The following CCL26 variants were observed in gnomAD, a reference collection of about 807,000 sequenced individuals.
CCL26 encodes the protein C-C motif chemokine ligand 26.
Under a neutral mutation model 10.7 loss-of-function variants are expected in CCL26, and 10 were observed. The ratio of observed to expected loss-of-function variants is 0.93; its 90% CI spans 0.57 to 1.58. The LOEUF (loss-of-function observed/expected upper bound fraction) is 1.58. Ranked by LOEUF, CCL26 falls within the 40% of genes most tolerant of loss-of-function variation. CCL26 has a pLI of 0.00. For synonymous variants in CCL26, 43 were observed against 41.4 expected (o/e 1.04, Z -0.15); for missense variants, 116 against 111.0 (o/e 1.05, Z -0.20).
At chr7:75,772,330 AATACTC>A, upstream of CCL26, 1 of 623,402 alleles carries the variant, frequency 1.6e-6, no homozygotes, top group East Asian at 2.8e-5. Context: ...AAAGTAAACT[AATACTC>A]ATAGGAATGA....
chr7:75,789,296 T>A (rs966700046), intron 1 of CCL26, among the ~76,000 whole-genome samples: 1 of 151,802 alleles, frequency 6.6e-6, no homozygotes, highest in Non-Finnish European at 1.5e-5. Flanking sequence ...TAAAGAGGAA[T>A]GAAATGATAT....
intron 1 of CCL26, among the ~76,000 whole-genome samples, chr7:75,777,711 T>G (rs1419810225): frequency 4.3e-5 from 1 of 23,194 alleles, no homozygotes; most frequent in Non-Finnish European, 8.0e-5. Context: ...CAGAGTGAGA[T>G]CCTGTCTCAG....
intron 1 of CCL26, among the ~76,000 whole-genome samples, chr7:75,784,613 G>C (rs1803141052): frequency 6.6e-6 from 1 of 151,976 alleles, no homozygotes; most frequent in Non-Finnish European, 1.5e-5. Context: ...CCCCAACTCT[G>C]GTGCCAACTT....
rs1802778846 is a variant in CCL26, at chr7:75,769,634, C to T, written c.*59G>A. On this transcript the variant is annotated 3_prime_UTR_variant, in exon 3 of 3. Coordinates refer to ENST00000005180, the MANE Select transcript of CCL26 (RefSeq NM_001371938.1). ...TTCAGAAAAGATTCCGCAGGCTCCC[C>T]AGAGGGCTGCAGAGCCAAGAGCGGG... 11 of 1,145,844 alleles carry T rather than the reference C, an allele frequency of 9.6e-6. No individual in the cohort carries two copies. The highest frequency in any genetic ancestry group is 1.5e-5 in the Non-Finnish European group (11 of 756,110). The allele number at this position is 1,145,844 out of a possible 1,614,324, so 71.0% of individuals were successfully genotyped here.
intron 1 of CCL26, among the ~76,000 whole-genome samples, chr7:75,782,433 C>A (rs931014005): frequency 6.6e-6 from 1 of 152,080 alleles, no homozygotes; most frequent in African/African-American, 2.4e-5. Flanking sequence ...TGGCTGCTCA[C>A]CCACATTGCA....
chr7:75,772,329 T>A (rs1585009108), upstream of CCL26: 2 of 623,334 alleles, frequency 3.2e-6, no homozygotes, highest in East Asian at 5.5e-5. Context: ...AAAAGTAAAC[T>A]AATACTCATA....
chr7:75,790,219 C>CTTTTTT (rs1237814493), upstream of CCL26, among the ~76,000 whole-genome samples: 1 of 72,862 alleles, frequency 1.4e-5, no homozygotes, highest in African/African-American at 5.7e-5. Context: ...TTCTTTCTTT[C>CTTTTTT]TTCCTTCCTT....
intron 1 of CCL26, among the ~76,000 whole-genome samples, chr7:75,783,001 C>G (rs147430837): frequency 7.9e-5 from 12 of 152,278 alleles, no homozygotes; most frequent in Non-Finnish European, 1.8e-4. Flanking sequence ...TATCATCCTT[C>G]TATCACCTCC....
At chr7:75,790,218 TCTTCCTTC>T (rs1242802621), upstream of CCL26, among the ~76,000 whole-genome samples, 24 of 66,850 alleles carry the variant, frequency 3.6e-4, no homozygotes, top group South Asian at 4.2e-3. Context: ...TTTCTTTCTT[TCTTCCTTC>T]CTTCCTTCCT....
intron 1 of CCL26, among the ~76,000 whole-genome samples, chr7:75,778,161 C>T (rs1433524099): frequency 1.3e-5 from 2 of 152,172 alleles, no homozygotes; most frequent in African/African-American, 4.8e-5. Context: ...ACATTCCCAC[C>T]AACAGAGTCG....
At position 75,769,657 on chromosome 7, in the gene CCL26, G is replaced by T; in HGVS notation, c.*36C>A. 7.3e-7 allele frequency: 1 copy of T among 1,373,836 alleles called. No homozygotes were observed. Among genetic ancestry groups the T allele is most frequent in the Non-Finnish European group, 1.0e-6 (1 of 961,116 alleles). 85.1% of individuals were successfully genotyped at this position (1,373,836 alleles called of 1,614,324 possible). A position where few individuals can be genotyped will look rare whatever the true frequency, so the allele number is the denominator to read the frequency against. ...CCCAGAGGGCTGCAGAGCCAAGAGC[G>T]GGGTCCAAGCGTCCTCGGATGAAAA... On this transcript the variant is annotated 3_prime_UTR_variant, in exon 3 of 3. Transcript: ENST00000005180.
chr7:75,774,828 G>A (rs1429678818), upstream of CCL26, among the ~76,000 whole-genome samples: 1 of 152,098 alleles, frequency 6.6e-6, no homozygotes, highest in African/African-American at 2.4e-5. Context: ...GCCGAGGCAG[G>A]AGGGTCACTT....
intron 1 of CCL26, among the ~76,000 whole-genome samples, chr7:75,786,159 TCCCACA>T (rs1397355093): frequency 6.6e-6 from 1 of 152,128 alleles, no homozygotes; most frequent in East Asian, 1.9e-4. Context: ...CAATCCGGCC[TCCCACA>T]TTATTCCAGA....
chr7:75,786,555 T>C (rs1173532573), intron 1 of CCL26, among the ~76,000 whole-genome samples: 1 of 152,180 alleles, frequency 6.6e-6, no homozygotes, highest in African/African-American at 2.4e-5. Context: ...GCCTCTTTAA[T>C]AAAAACTCTT....
At chr7:75,790,265 A>C (rs1554530664), upstream of CCL26, among the ~76,000 whole-genome samples, 8 of 114,556 alleles carry the variant, frequency 7.0e-5, no homozygotes, top group Admixed American at 1.0e-4. Context: ...CTCCCTCCAT[A>C]CCTCTTTCTC....
At chr7:75,783,056 C>T (rs981854033) in intron 1 of CCL26, among the ~76,000 whole-genome samples, 1 of 152,130 alleles carries the variant, frequency 6.6e-6, no homozygotes, top group African/African-American at 2.4e-5. Context: ...CCGTGACTAG[C>T]CCTCCCCGAC....
chr7:75,779,441 C>T (rs1803012826), intron 1 of CCL26, among the ~76,000 whole-genome samples: 1 of 152,174 alleles, frequency 6.6e-6, no homozygotes, highest in South Asian at 2.1e-4. Flanking sequence ...GAACATCTCA[C>T]CAATTTTAAA....
intron 1 of CCL26, among the ~76,000 whole-genome samples, chr7:75,784,128 C>G (rs1803128995): frequency 6.6e-6 from 1 of 152,192 alleles, no homozygotes; most frequent in Non-Finnish European, 1.5e-5. Context: ...CTCCATCACA[C>G]AAGAGCTTCC....
intron 1 of CCL26, among the ~76,000 whole-genome samples, chr7:75,788,493 C>T (rs1192674073): frequency 4.0e-5 from 6 of 151,678 alleles, no homozygotes; most frequent in South Asian, 2.1e-4. Context: ...CCGCCTGCAC[C>T]CAGGTGACTA....
Sources: allele counts gnomAD v4.1 joint callset (sites outside exome capture counted in the v4.1 genomes callset), GRCh38; gene constraint gnomAD v4.1.1; transcripts MANE v1.5; gene names NCBI Gene and HGNC (gene_info 2026-07-23, HGNC 2026-07-21).